C10orf67: variants seen among roughly 807,000 people sequenced by gnomAD.
C10orf67 encodes the protein chromosome 10 open reading frame 67, also known as uncharacterized protein C10orf67, mitochondrial.
In C10orf67, 60 loss-of-function variants were observed where a neutral mutation model predicts 35.6. The ratio of observed to expected loss-of-function variants is 1.68; its 90% CI spans 1.37 to 2.09. The LOEUF (loss-of-function observed/expected upper bound fraction) is 2.09, where lower values mean the gene tolerates loss of function less well. C10orf67 is among the 30% of genes most tolerant of loss of function. The pLI, the probability that C10orf67 is intolerant of heterozygous loss-of-function variation, is 0.00. For missense variants in C10orf67, 474 were observed against 330.2 expected (o/e 1.44, Z -3.38); for synonymous variants, 167 against 115.8 (o/e 1.44, Z -2.84).
intron 3 of C10orf67, among the ~76,000 whole-genome samples, chr10:23,322,191 T>C (rs754580011): frequency 1.3e-5 from 2 of 152,210 alleles, no homozygotes; most frequent in Non-Finnish European, 2.9e-5. Context: ...ATAAGGTAAA[T>C]GTGAGAATTA....
intron 12 of C10orf67, among the ~76,000 whole-genome samples, chr10:23,246,292 C>A (rs985644922): frequency 1.3e-5 from 2 of 152,074 alleles, no homozygotes; most frequent in Non-Finnish European, 2.9e-5. Context: ...GTACACCAAA[C>A]CCCTAAGACA....
At chr10:23,309,142 A>C (rs1464670296) in intron 4 of C10orf67, among the ~76,000 whole-genome samples, 1 of 152,222 alleles carries the variant, frequency 6.6e-6, no homozygotes, top group African/African-American at 2.4e-5. Flanking sequence ...CTAAATGTCC[A>C]TCAATGGTTG....
chr10:23,343,960 C>T (rs556531223), intron 1 of C10orf67: 106 of 465,666 alleles, frequency 2.3e-4, no homozygotes, highest in Admixed American at 8.8e-4. Flanking sequence ...CATGATCTTC[C>T]GGCCCTCCTC....
In C10orf67 at chr10:23,286,312, C is replaced by T. The variant is rs558308592; in HGVS notation, c.909+3588G>A. The stretch of plus-strand genomic sequence containing the variant: ...ACTCTGGGAGCTGAGATGGGAGGAT[C>T]GCTTGAGGCTGGATGTTTGAGGCTG... On this transcript the variant is annotated intron_variant, in intron 7 of 15. Transcript: ENST00000636213. Among the ~76,000 whole-genome samples, 768 of 144,012 alleles carry T rather than the reference C, an allele frequency of 5.3e-3. 5 individuals carry two copies. The highest frequency in any genetic ancestry group is 0.019 in the African/African-American group (723 of 38,378). The allele number at this position is 144,012 out of a possible 152,430, so 94.5% of individuals were successfully genotyped here. A position where few individuals can be genotyped will look rare whatever the true frequency, so the allele number is the denominator to read the frequency against.
At chr10:23,278,790 A>T (rs1843271550) in intron 8 of C10orf67, among the ~76,000 whole-genome samples, 1 of 152,204 alleles carries the variant, frequency 6.6e-6, no homozygotes, top group Admixed American at 6.5e-5. Flanking sequence ...ACTCTGAGGC[A>T]TCCTTATCTG....
In C10orf67 at chr10:23,250,677, A is replaced by G; in HGVS notation, c.1215T>C (p.His405=). 2.5e-6 allele frequency: 1 copy of G among 398,614 alleles called. No homozygotes were observed. Among genetic ancestry groups the G allele is most frequent in the Non-Finnish European group, 4.4e-6 (1 of 225,860 alleles). 24.7% of individuals were successfully genotyped at this position (398,614 alleles called of 1,614,324 possible). The change falls in exon 11 of 16, where the codon CAT becomes CAC. Residue 405 remains histidine (H), a synonymous_variant. Transcript: ENST00000636213. ...ATGCTTCTATTTGAGACTCCAAACC[A>G]TGTTTGTCTTCAACCTTTCAATAGA... ...KEDQAVVEDK[H]GLESQIEALK... is the part of the protein sequence containing the mutation.
At chr10:23,244,888 T>C (rs1564469442) in intron 12 of C10orf67, among the ~76,000 whole-genome samples, 1 of 152,164 alleles carries the variant, frequency 6.6e-6, no homozygotes, top group Non-Finnish European at 1.5e-5. Context: ...CCCAAATGGC[T>C]AGCCAAAGCA....
At chr10:23,293,989 T>A (rs1843802028) in intron 5 of C10orf67, among the ~76,000 whole-genome samples, 1 of 152,190 alleles carries the variant, frequency 6.6e-6, no homozygotes, top group Non-Finnish European at 1.5e-5. Context: ...AGCAGTAAAG[T>A]CTGAGAAGTC....
intron 13 of C10orf67, among the ~76,000 whole-genome samples, chr10:23,230,419 G>C (rs906433103): frequency 5.3e-5 from 8 of 151,696 alleles, no homozygotes; most frequent in Admixed American, 2.0e-4. Context: ...TTTTAAAGAA[G>C]GCAGAAAAAA....
rs1022025687 is a variant in C10orf67 at position 23,216,429 on chromosome 10, AATTACTAGCAT to A, written c.1570+7158_1570+7168del. 1.5e-4 allele frequency among the ~76,000 whole-genome samples: 23 copies of A among 152,268 alleles called. No homozygotes were observed. In the South Asian group the frequency reaches 1.7e-3, roughly 11 times the overall value. On this transcript the variant is annotated intron_variant, in intron 15 of 15. Coordinates refer to ENST00000636213, the MANE Select transcript of C10orf67 (RefSeq NM_001371909.1). ...GATATGTGTGTAAAGTAGTGTAACC[AATTACTAGCAT>A]ATTCTGACAGTATCTAGTAAAGTTA... is the stretch of plus-strand genomic sequence containing the variant.
At chr10:23,338,985 T>C (rs1284183543) in intron 1 of C10orf67, among the ~76,000 whole-genome samples, 2 of 152,224 alleles carry the variant, frequency 1.3e-5, no homozygotes, top group Non-Finnish European at 2.9e-5. Flanking sequence ...TGAAACAGTA[T>C]ATGGTGCTAT....
At chr10:23,316,309 C>T (rs1844709210) in intron 4 of C10orf67, among the ~76,000 whole-genome samples, 1 of 152,216 alleles carries the variant, frequency 6.6e-6, no homozygotes, top group Admixed American at 6.5e-5. Flanking sequence ...GTGGCTTCCA[C>T]TGCTGGCATA....
chr10:23,204,198 C>A lies in C10orf67; in HGVS notation c.1628G>T (p.Ser543Ile). 1 of 650,756 alleles carries A rather than the reference C, an allele frequency of 1.5e-6. No homozygotes were observed. Among genetic ancestry groups the A allele is most frequent in the Admixed American group, 2.3e-5 (1 of 43,414 alleles). The allele number at this position is 650,756 out of a possible 1,614,324, so 40.3% of individuals were successfully genotyped here. A position where few individuals can be genotyped will look rare whatever the true frequency, so the allele number is the denominator to read the frequency against. ...ESLEEPSMRQ[S>I]SPAETVD is the part of the protein sequence containing the mutation. ...TTAATCAACAGTCTCTGCGGGGCTG[C>A]TCTGGCGCATGGAGGGCTCCTCCAA... The change falls in exon 16 of 16, where the codon AGC becomes ATC. Residue 543 changes from serine (S) to isoleucine (I), a missense_variant. By Grantham distance (142) the Ser-to-Ile change is moderately radical (BLOSUM62 -2). Transcript: ENST00000636213.
At chr10:23,302,533 T>C (rs1230472170) in intron 5 of C10orf67, among the ~76,000 whole-genome samples, 1 of 152,216 alleles carries the variant, frequency 6.6e-6, no homozygotes, top group Non-Finnish European at 1.5e-5. Context: ...TTATTCCTCC[T>C]GGGTCCCAGC....
Position 23,320,740 on chromosome 10 carries a change from C to T in C10orf67, c.546+1G>A, listed in dbSNP as rs753393294. Reference sequence around the variant, plus strand: ...CTACGGCACCAGAAACAGAAACTCACCTGGTACATTCCTTTGATAACAGCT... The same window carrying T: ...CTACGGCACCAGAAACAGAAACTCATCTGGTACATTCCTTTGATAACAGCT... On this transcript the variant is annotated splice_donor_variant, in intron 4 of 15. Coordinates refer to ENST00000636213, the MANE Select transcript of C10orf67 (RefSeq NM_001371909.1). LOFTEE classifies it high-confidence loss of function. 5 of 1,585,094 alleles carry T rather than the reference C, an allele frequency of 3.2e-6. No individual in the cohort carries two copies. The highest frequency in any genetic ancestry group is 4.3e-6 in the Non-Finnish European group (5 of 1,164,124).
chr10:23,252,996 G>A (rs1842500463), intron 10 of C10orf67, among the ~76,000 whole-genome samples: 1 of 152,174 alleles, frequency 6.6e-6, no homozygotes, highest in South Asian at 2.1e-4. Context: ...AGATCTGATG[G>A]TTTTAAAAAT....
intron 13 of C10orf67, among the ~76,000 whole-genome samples, chr10:23,232,241 A>C (rs573544262): frequency 2.0e-5 from 3 of 152,216 alleles, no homozygotes; most frequent in Non-Finnish European, 4.4e-5. Context: ...AACATGAAAC[A>C]ACATAATTTA....
intron 13 of C10orf67, among the ~76,000 whole-genome samples, chr10:23,226,412 C>T (rs1214481718): frequency 6.6e-6 from 1 of 152,000 alleles, no homozygotes; most frequent in Non-Finnish European, 1.5e-5. Flanking sequence ...ACACAACATA[C>T]CAGAATCTCT....
chr10:23,299,102 T>A (rs1843986830), intron 5 of C10orf67, among the ~76,000 whole-genome samples: 1 of 152,088 alleles, frequency 6.6e-6, no homozygotes, highest in African/African-American at 2.4e-5. Context: ...CCTCTGGTAT[T>A]TGGGAAAGCA....
Sources: gnomAD v4.1 joint callset for allele counts (sites outside exome capture counted in the v4.1 genomes callset) on GRCh38, gnomAD v4.1.1 for gene constraint, MANE v1.5 for transcripts, NCBI Gene and HGNC (gene_info 2026-07-23, HGNC 2026-07-21) for gene names.